IL1RAPL2: variants seen among roughly 807,000 people sequenced by gnomAD.
The protein encoded by IL1RAPL2 is interleukin 1 receptor accessory protein like 2, also known as X-linked interleukin-1 receptor accessory protein-like 2.
IL1RAPL2 carries 3 observed loss-of-function variants against 44.1 expected under a neutral mutation model. That is an observed-to-expected ratio of 0.07 (90% CI 0.03 to 0.18). The LOEUF is 0.18. Ranked by LOEUF, IL1RAPL2 falls within the 10% of genes least tolerant of loss-of-function variation. The probability of loss-of-function intolerance (pLI) is 1.00; values close to 1 mark genes in which losing one functional copy is unlikely to be tolerated. For synonymous variants in IL1RAPL2, 181 were observed against 178.8 expected (o/e 1.01, Z -0.10); for missense variants, 391 against 496.4 (o/e 0.79, Z 2.02).
chrX:105,219,902 C>G (rs782365807), intron 3 of IL1RAPL2: 1 of 1,113,862 alleles, frequency 9.0e-7, no homozygotes, highest in African/African-American at 1.8e-5. Flanking sequence ...TGGGGCAGGG[C>G]AGTGGTACTG....
At chrX:105,510,081 G>A (rs1363771715) in intron 6 of IL1RAPL2, among the ~76,000 whole-genome samples, 1 of 111,383 alleles carries the variant, frequency 9.0e-6, no homozygotes, top group Admixed American at 9.6e-5. Flanking sequence ...TTGGGAGGCT[G>A]AGGAGGGGAA....
intron 2 of IL1RAPL2, among the ~76,000 whole-genome samples, chrX:104,821,514 TGTTA>T (rs958159923): frequency 1.8e-5 from 2 of 111,293 alleles, no homozygotes; most frequent in African/African-American, 6.5e-5. Flanking sequence ...TCTATTCCTG[TGTTA>T]GTTTGTTGAG....
At chrX:105,570,254 A>G (rs995168078) in intron 6 of IL1RAPL2, among the ~76,000 whole-genome samples, 2 of 111,844 alleles carry the variant, frequency 1.8e-5, no homozygotes, top group African/African-American at 6.5e-5. Flanking sequence ...CCTCAGAATA[A>G]TGGCCTCCAT....
At chrX:105,750,441 TTTATTATTA>T (rs199583433) in intron 9 of IL1RAPL2, among the ~76,000 whole-genome samples, 93 of 91,566 alleles carry the variant, frequency 1.0e-3, no homozygotes, top group South Asian at 2.3e-3. Context: ...GCCTGGCCAA[TTTATTATTA>T]TTATTATTAT....
chrX:104,923,665 G>A (rs1324783597), intron 2 of IL1RAPL2, among the ~76,000 whole-genome samples: 3 of 111,330 alleles, frequency 2.7e-5, no homozygotes, highest in African/African-American at 6.5e-5. Flanking sequence ...TGATAAACAT[G>A]GAAACAAAAG....
intron 2 of IL1RAPL2, among the ~76,000 whole-genome samples, chrX:104,843,267 A>G (rs12558682): frequency 0.34 from 37,536 of 110,232 alleles, 5,522 homozygotes; most frequent in East Asian, 0.46. Flanking sequence ...ACCAAACTCA[A>G]TCATCCCAGG....
chrX:105,117,610 G>A (rs2047754789), intron 2 of IL1RAPL2, among the ~76,000 whole-genome samples: 2 of 111,068 alleles, frequency 1.8e-5, no homozygotes, highest in Admixed American at 9.5e-5. Context: ...TCATGATAGC[G>A]AGTGAGTTAT....
chrX:105,291,271 A>G (rs2034610344), intron 5 of IL1RAPL2, among the ~76,000 whole-genome samples: 1 of 111,983 alleles, frequency 8.9e-6, no homozygotes, highest in African/African-American at 3.2e-5. Context: ...CTGTCTTTAA[A>G]TACTTGTTTA....
At chrX:104,642,106 A>G (rs1289074500) in intron 1 of IL1RAPL2, among the ~76,000 whole-genome samples, 1 of 110,905 alleles carries the variant, frequency 9.0e-6, no homozygotes, top group East Asian at 2.9e-4. Flanking sequence ...CTTTCCCTCA[A>G]TTGGAAAGTC....
At position 105,315,587 on chromosome X, in the gene IL1RAPL2, T is replaced by G. The variant is rs1326913332; in HGVS notation, c.697+48046T>G. 2.4e-4 allele frequency among the ~76,000 whole-genome samples: 14 copies of G among 59,452 alleles called. 1 individual carries two copies. The highest frequency in any genetic ancestry group is 5.2e-4 in the Non-Finnish European group (14 of 26,752). 51.6% of individuals were successfully genotyped at this position (59,452 alleles called of 115,157 possible). A position where few individuals can be genotyped will look rare whatever the true frequency, so the allele number is the denominator to read the frequency against. The stretch of plus-strand genomic sequence containing the variant: ...GACAGAACTAATGGATGTATATATA[T>G]ATATATATATATATGGTTTTATTAA... On this transcript the variant is annotated intron_variant, in intron 5 of 10. Transcript: ENST00000372582.
chrX:105,057,568 C>G (rs912374580), intron 2 of IL1RAPL2, among the ~76,000 whole-genome samples: 10 of 110,624 alleles, frequency 9.0e-5, no homozygotes, highest in Admixed American at 1.9e-4. Flanking sequence ...TTTCCTATGC[C>G]AAACAATAAT....
At chrX:105,745,854 T>C (rs1473528063) in intron 8 of IL1RAPL2, among the ~76,000 whole-genome samples, 1 of 110,639 alleles carries the variant, frequency 9.0e-6, no homozygotes, top group Non-Finnish European at 1.9e-5. Flanking sequence ...ACTAATTGTT[T>C]AAATTTTTTG....
chrX:104,659,157 A>C (rs1223604458), intron 2 of IL1RAPL2, among the ~76,000 whole-genome samples, 162 bp downstream of exon 2: 2 of 111,776 alleles, frequency 1.8e-5, no homozygotes, highest in Non-Finnish European at 3.8e-5. Flanking sequence ...TAATCCTACC[A>C]CTGAGAAATT....
At chrX:104,674,287 T>C (rs1025985640) in intron 2 of IL1RAPL2, among the ~76,000 whole-genome samples, 9 of 111,852 alleles carry the variant, frequency 8.0e-5, no homozygotes, top group African/African-American at 2.6e-4. Context: ...TTACCTAATT[T>C]CTTGAGAGTT....
chrX:104,969,308 G>A (rs2030188435), intron 2 of IL1RAPL2, among the ~76,000 whole-genome samples: 1 of 110,219 alleles, frequency 9.1e-6, no homozygotes, highest in African/African-American at 3.3e-5. Context: ...GGAATCACTG[G>A]TTAATACACG....
intron 10 of IL1RAPL2, among the ~76,000 whole-genome samples, chrX:105,756,328 A>C (rs1366771245): frequency 9.0e-6 from 1 of 111,724 alleles, no homozygotes; most frequent in Non-Finnish European, 1.9e-5. Flanking sequence ...TGAGGAAGCA[A>C]ACCCCAAAAT....
At chrX:104,772,134 GGGTA>G (rs1453688510) in intron 2 of IL1RAPL2, among the ~76,000 whole-genome samples, 2 of 111,285 alleles carry the variant, frequency 1.8e-5, no homozygotes, top group Non-Finnish European at 3.8e-5. Flanking sequence ...TTTTATGCAC[GGGTA>G]TTCCTATGGA....
chrX:105,631,030 T>C (rs1188979779), intron 6 of IL1RAPL2, among the ~76,000 whole-genome samples: 1 of 111,399 alleles, frequency 9.0e-6, no homozygotes, highest in Non-Finnish European at 1.9e-5. Context: ...GGAATCTGAA[T>C]GGGAGGATTT....
intron 2 of IL1RAPL2, among the ~76,000 whole-genome samples, chrX:104,670,096 T>C (rs1384034375): frequency 9.0e-6 from 1 of 111,316 alleles, no homozygotes; most frequent in African/African-American, 3.3e-5. Flanking sequence ...ACTCACACGA[T>C]CACAAAGTGA....
Sources: allele counts gnomAD v4.1 joint callset (sites outside exome capture counted in the v4.1 genomes callset), GRCh38; gene constraint gnomAD v4.1.1; transcripts MANE v1.5; gene names NCBI Gene and HGNC (gene_info 2026-07-23, HGNC 2026-07-21).